The following CDKL2 variants were observed in gnomAD, a reference collection of about 807,000 sequenced individuals.
CDKL2 encodes cyclin-dependent kinase-like 2.
CDKL2 carries 64 observed loss-of-function variants against 63.9 expected under a neutral mutation model. The ratio of observed to expected loss-of-function variants is 1.00; its 90% CI spans 0.82 to 1.23. The LOEUF (loss-of-function observed/expected upper bound fraction) is 1.23, where lower values mean the gene tolerates loss of function less well. Ranked by LOEUF, CDKL2 falls within the 50% of genes most tolerant of loss-of-function variation. CDKL2 has a pLI of 0.00. For missense variants in CDKL2, 656 were observed against 668.0 expected, an observed-to-expected ratio of 0.98 and a Z score of 0.20; for synonymous variants, 211 against 229.2, an observed-to-expected ratio of 0.92 and a Z score of 0.72.
At chr4:75,617,960 G>A (rs1029756318) in intron 2 of CDKL2, among the ~76,000 whole-genome samples, 3 of 151,946 alleles carry the variant, frequency 2.0e-5, no homozygotes, top group Non-Finnish European at 2.9e-5. Context: ...AATTAGCCAG[G>A]CGTGGTGGCA....
chr4:75,594,196 C>T (rs2148871472), intron 10 of CDKL2, among the ~76,000 whole-genome samples: 1 of 152,118 alleles, frequency 6.6e-6, no homozygotes, highest in South Asian at 2.1e-4. Flanking sequence ...GCCTGTAATC[C>T]CAGCATTTTG....
At chr4:75,607,683 AGGGGTG>A (rs1161303330) in intron 3 of CDKL2, among the ~76,000 whole-genome samples, 1 of 152,218 alleles carries the variant, frequency 6.6e-6, no homozygotes, top group Non-Finnish European at 1.5e-5. Flanking sequence ...TTTTTATGAA[AGGGGTG>A]GGCTCTAACA....
At chr4:75,603,623 G>A (rs1394792191) in intron 6 of CDKL2, among the ~76,000 whole-genome samples, 194 bp downstream of exon 6, 1 of 148,512 alleles carries the variant, frequency 6.7e-6, no homozygotes, top group Non-Finnish European at 1.5e-5. Context: ...CCAGCTACTA[G>A]AGAGGTTGAG....
At chr4:75,581,119 T>G (rs545177606) in intron 13 of CDKL2, among the ~76,000 whole-genome samples, 1 of 152,340 alleles carries the variant, frequency 6.6e-6, no homozygotes, top group South Asian at 2.1e-4. Flanking sequence ...TATAACAATG[T>G]TTAGGTCAAC....
chr4:75,593,476 C>A (rs1383024923), intron 10 of CDKL2, among the ~76,000 whole-genome samples: 1 of 151,900 alleles, frequency 6.6e-6, no homozygotes, highest in African/African-American at 2.4e-5. Flanking sequence ...GGGTCTTCAC[C>A]CTCCTAATCT....
rs1451014670 is a variant in CDKL2 at position 75,578,671 on chromosome 4, A to G, written c.*531T>C. 1 of 152,540 alleles carries G rather than the reference A, an allele frequency of 6.6e-6. No homozygotes were observed. The highest frequency in any genetic ancestry group is 1.5e-5 in the Non-Finnish European group (1 of 68,026). The allele number at this position is 152,540 out of a possible 1,614,324, so 9.4% of individuals were successfully genotyped here. On this transcript the variant is annotated 3_prime_UTR_variant, in exon 14 of 14. Coordinates refer to ENST00000307465, the MANE Select transcript of CDKL2 (RefSeq NM_001330724.2). ...TCATAGTTAAATTCAGGTAAAGCAA[A>G]CAGTTTCTCTTACTGATCCTAGTTT...
intron 12 of CDKL2, among the ~76,000 whole-genome samples, chr4:75,591,526 G>C (rs533623015): frequency 2.2e-4 from 33 of 152,270 alleles, no homozygotes; most frequent in Middle Eastern, 3.4e-3. Flanking sequence ...AAGCTCAAGG[G>C]TTTGAAGCTG....
intron 5 of CDKL2, among the ~76,000 whole-genome samples, chr4:75,604,515 A>G (rs1161519509): frequency 6.6e-6 from 1 of 152,228 alleles, no homozygotes; most frequent in Non-Finnish European, 1.5e-5. Flanking sequence ...TTCCATTTCT[A>G]AGCTCCATCT....
Position 75,614,434 on chromosome 4 carries a change from T to G in CDKL2, c.184A>C (p.Asn62His), listed in dbSNP as rs1281162122. Residue 62 changes from asparagine to histidine, a missense_variant, in exon 3 of 14, where the codon AAC becomes CAC. Asn to His is a moderately conservative substitution (Grantham distance 68, BLOSUM62 1). Transcript: ENST00000307465. The part of the protein sequence containing the change: ...IKLLKQLRHE[N>H]LVNLLEVCKK... ...CACACTTCCAAGAGATTCACCAAGTTTTCATGCCTAAGTTGCTGTTATTAA... is the reference window on the plus strand; with the variant it reads ...CACACTTCCAAGAGATTCACCAAGTGTTCATGCCTAAGTTGCTGTTATTAA... 6.4e-7 allele frequency: 1 copy of G among 1,552,348 alleles called. No homozygotes were observed. The highest frequency in any genetic ancestry group is 8.7e-7 in the Non-Finnish European group (1 of 1,144,436).
intron 1 of CDKL2, among the ~76,000 whole-genome samples, 169 bp downstream of exon 1, chr4:75,629,873 G>A (rs1443932741): frequency 1.4e-5 from 2 of 138,890 alleles, no homozygotes; most frequent in Non-Finnish European, 3.0e-5. Context: ...AGGAGGCAGA[G>A]GTTGCGGTGA....
intron 10 of CDKL2, among the ~76,000 whole-genome samples, chr4:75,595,303 CA>C (rs1226432932): frequency 6.6e-6 from 1 of 151,344 alleles, no homozygotes; most frequent in Non-Finnish European, 1.5e-5. Context: ...CTCAACTTTC[CA>C]GGCTCAAGCA....
At chr4:75,586,487 C>T (rs1728489668) in intron 12 of CDKL2, among the ~76,000 whole-genome samples, 1 of 152,154 alleles carries the variant, frequency 6.6e-6, no homozygotes, top group African/African-American at 2.4e-5. Flanking sequence ...ACCTCAGCCT[C>T]CCAAAGTGCT....
intron 6 of CDKL2, 57 bp downstream of exon 6, chr4:75,603,760 A>AT (rs1729304145): frequency 2.3e-5 from 22 of 959,990 alleles, no homozygotes; most frequent in Non-Finnish European, 3.0e-5. Flanking sequence ...AAAAAAAAAA[A>AT]GGTCTTGATA....
chr4:75,629,147 T>C (rs536260623), intron 1 of CDKL2, among the ~76,000 whole-genome samples: 1 of 152,130 alleles, frequency 6.6e-6, no homozygotes. Flanking sequence ...ATTAAGAGAG[T>C]ATGTTTTATT....
chr4:75,612,881 T>C (rs1729763475), intron 3 of CDKL2, among the ~76,000 whole-genome samples: 1 of 152,160 alleles, frequency 6.6e-6, no homozygotes, highest in Non-Finnish European at 1.5e-5. Flanking sequence ...TCCCAGTACT[T>C]TGGGAGGCCA....
chr4:75,596,021 GAAGGAAGGAAGA>G (rs1328024761), intron 10 of CDKL2: 4,239 of 55,604 alleles, frequency 0.076, 303 homozygotes, highest in East Asian at 0.19. Flanking sequence ...AGGAAGGAAG[GAAGGAAGGAAGA>G]AAGGAAGGAA....
At chr4:75,628,234 A>G (rs903341137) in intron 1 of CDKL2, among the ~76,000 whole-genome samples, 9 of 150,232 alleles carry the variant, frequency 6.0e-5, no homozygotes, top group South Asian at 2.1e-4. Context: ...TCCTGCCTCA[A>G]CCTCTCGAGT....
chr4:75,591,738 G>T (rs1728722648), intron 12 of CDKL2, 81 bp downstream of exon 12: 1 of 915,308 alleles, frequency 1.1e-6, no homozygotes, highest in Non-Finnish European at 1.6e-6. Flanking sequence ...ATTCTTAAGA[G>T]CAAACTCTCC....
chr4:75,616,712 A>AG (rs1729943262), intron 2 of CDKL2, among the ~76,000 whole-genome samples: 1 of 150,886 alleles, frequency 6.6e-6, no homozygotes, highest in African/African-American at 2.4e-5. Flanking sequence ...AAAAAAAAAA[A>AG]AAAAAGGAAT....
Sources: gnomAD v4.1 joint callset for allele counts (sites outside exome capture counted in the v4.1 genomes callset) on GRCh38, gnomAD v4.1.1 for gene constraint, MANE v1.5 for transcripts, NCBI Gene and HGNC (gene_info 2026-07-23, HGNC 2026-07-21) for gene names.